Variants in PCDH11X observed in about 807,000 individuals in gnomAD.
The protein encoded by PCDH11X is protocadherin 11 X-linked.
PCDH11X carries 18 observed loss-of-function variants against 53.3 expected under a neutral mutation model. The ratio of observed to expected loss-of-function variants is 0.34; its 90% CI spans 0.23 to 0.50. The LOEUF (loss-of-function observed/expected upper bound fraction) is 0.50, where lower values mean the gene tolerates loss of function less well. PCDH11X is among the 20% of genes least tolerant of loss of function. PCDH11X has a pLI of 0.98. For synonymous variants in PCDH11X, 279 were observed against 393.3 expected, an observed-to-expected ratio of 0.71 and a Z score of 3.44; for missense variants, 570 against 1,032.4, an observed-to-expected ratio of 0.55 and a Z score of 6.14.
intron 10 of PCDH11X, among the ~76,000 whole-genome samples, chrX:92,470,211 T>C (rs1291666316): frequency 9.7e-6 from 1 of 103,423 alleles, no homozygotes; most frequent in Non-Finnish European, 2.0e-5. Context: ...GGTTTTTGTA[T>C]GTTGATTTTG....
intron 5 of PCDH11X, among the ~76,000 whole-genome samples, chrX:91,847,646 G>C (rs1342828965): frequency 1.8e-5 from 2 of 111,467 alleles, no homozygotes; most frequent in East Asian, 2.8e-4. Context: ...ACTTCACTCT[G>C]TTTTAATTTA....
At chrX:92,227,908 T>C (rs1326219741) in intron 7 of PCDH11X, among the ~76,000 whole-genome samples, 2 of 111,254 alleles carry the variant, frequency 1.8e-5, no homozygotes, top group East Asian at 2.8e-4. Context: ...AAAAAGACTA[T>C]ATCTTTGAAA....
In PCDH11X at chrX:92,389,856, C is replaced by G. The variant is rs185693585; in HGVS notation, c.3343+1923C>G. On this transcript the variant is annotated intron_variant, in intron 9 of 10. Transcript: ENST00000682573. ...GGCTTTTTTTTTTAAAAAAAGGGTG[C>G]TTTCTGTTAGGAGCTAAACATTTCT... 6.1e-3 allele frequency among the ~76,000 whole-genome samples: 653 copies of G among 107,878 alleles called. 5 individuals are homozygous for G. The highest frequency in any genetic ancestry group is 0.021 in the African/African-American group (630 of 29,777). 93.7% of individuals were successfully genotyped at this position (107,878 alleles called of 115,157 possible). A position where few individuals can be genotyped will look rare whatever the true frequency, so the allele number is the denominator to read the frequency against.
At chrX:91,795,456 T>C (rs1266962301) in intron 1 of PCDH11X, among the ~76,000 whole-genome samples, 1 of 110,761 alleles carries the variant, frequency 9.0e-6, no homozygotes, top group East Asian at 2.8e-4. Flanking sequence ...TAGCCCAAAA[T>C]AGTCCAGTGT....
intron 7 of PCDH11X, among the ~76,000 whole-genome samples, chrX:92,258,774 C>G: frequency 8.9e-6 from 1 of 111,983 alleles, no homozygotes; most frequent in East Asian, 2.8e-4. Context: ...AAATTTTATG[C>G]TCTGCTTCCT....
Position 92,484,026 on chromosome X carries a change from T to C in PCDH11X, c.3367+15704T>C, listed in dbSNP as rs1242085752. ...ATGTTTATAGCAGCACAATTCACAA[T>C]TGTGAAAATGTGGAACCAGCCCAAA... On this transcript the variant is annotated intron_variant, in intron 10 of 10. Transcript: ENST00000682573. 3.8e-5 allele frequency among the ~76,000 whole-genome samples: 4 copies of C among 105,890 alleles called. No individual in the cohort carries two copies. In the East Asian group the frequency reaches 1.2e-3, roughly 31 times the overall value. 92.0% of individuals were successfully genotyped at this position (105,890 alleles called of 115,157 possible).
At chrX:92,467,819 T>A in intron 9 of PCDH11X, among the ~76,000 whole-genome samples, 1 of 111,457 alleles carries the variant, frequency 9.0e-6, no homozygotes, top group Middle Eastern at 4.6e-3. Flanking sequence ...CCTGCTGATT[T>A]TGGGTTTTTC....
intron 8 of PCDH11X, among the ~76,000 whole-genome samples, chrX:92,367,472 A>G: frequency 9.0e-6 from 1 of 110,932 alleles, no homozygotes. Flanking sequence ...GTGTCTTTTA[A>G]TTGGGGCATT....
chrX:92,249,355 T>A (rs2067414680), intron 7 of PCDH11X, among the ~76,000 whole-genome samples: 2 of 111,592 alleles, frequency 1.8e-5, no homozygotes, highest in South Asian at 3.7e-4. Flanking sequence ...GCCACAAGAG[T>A]GACACGTTAA....
chrX:92,319,204 C>T (rs908626346), intron 8 of PCDH11X, among the ~76,000 whole-genome samples: 1 of 111,685 alleles, frequency 9.0e-6, no homozygotes, highest in Non-Finnish European at 1.9e-5. Context: ...GAACTTTAAG[C>T]AGGGATCCTG....
intron 9 of PCDH11X, among the ~76,000 whole-genome samples, chrX:92,437,979 G>C (rs929283906): frequency 2.7e-5 from 3 of 111,839 alleles, no homozygotes; most frequent in Non-Finnish European, 5.7e-5. Flanking sequence ...GCTAAGTAAC[G>C]CATCGAAAAT....
chrX:92,462,684 T>A (rs1158707215), intron 9 of PCDH11X, among the ~76,000 whole-genome samples: 1 of 109,213 alleles, frequency 9.2e-6, no homozygotes, highest in African/African-American at 3.3e-5. Context: ...CCCAAAGCAG[T>A]GTAACCAGTG....
At chrX:92,115,988 C>T (rs1262359865) in intron 6 of PCDH11X, among the ~76,000 whole-genome samples, 1 of 110,082 alleles carries the variant, frequency 9.1e-6, no homozygotes. Flanking sequence ...AAGTCTCTCT[C>T]ATGTAACATA....
intron 6 of PCDH11X, among the ~76,000 whole-genome samples, chrX:91,969,316 T>C (rs1163590794): frequency 1.8e-5 from 2 of 111,196 alleles, no homozygotes; most frequent in Non-Finnish European, 3.8e-5. Context: ...CAACTTTTCT[T>C]GTACCAATTT....
At chrX:91,821,986 G>C (rs1461626923) in intron 4 of PCDH11X, among the ~76,000 whole-genome samples, 7 of 101,973 alleles carry the variant, frequency 6.9e-5, no homozygotes, top group Middle Eastern at 4.7e-3. Context: ...TTATTGATTT[G>C]AGTATATTGA....
chrX:92,135,346 G>A (rs186085948), intron 6 of PCDH11X, among the ~76,000 whole-genome samples: 1 of 111,472 alleles, frequency 9.0e-6, no homozygotes, highest in Non-Finnish European at 1.9e-5. Context: ...CACAATGATA[G>A]TGTAACGAAG....
Position 92,621,319 on chromosome X carries a change from AG to A in PCDH11X, c.*2382del, listed in dbSNP as rs1928474125. ...TGACAGTATAATTTATTGAGTTACTAGGGAGGTTCTTAAATCCTCATATCTG... is the reference window on the plus strand; with the variant it reads ...TGACAGTATAATTTATTGAGTTACTAGGAGGTTCTTAAATCCTCATATCTG... On this transcript the variant is annotated 3_prime_UTR_variant, in exon 11 of 11. Transcript: ENST00000682573. The A allele has an allele frequency of 9.1e-6, 1 of 109,461 alleles. No individual in the cohort carries two copies. Among genetic ancestry groups the A allele is most frequent in the Admixed American group, 9.9e-5 (1 of 10,128 alleles). The allele number at this position is 109,461 out of a possible 1,213,427, so 9.0% of individuals were successfully genotyped here.
intron 10 of PCDH11X, among the ~76,000 whole-genome samples, chrX:92,478,829 T>A (rs1050957063): frequency 9.0e-6 from 1 of 110,795 alleles, no homozygotes; most frequent in Non-Finnish European, 1.9e-5. Context: ...CCGAGTGGCA[T>A]TGAGAATAAT....
chrX:92,142,860 T>C (rs2065208433), intron 6 of PCDH11X, among the ~76,000 whole-genome samples: 1 of 108,304 alleles, frequency 9.2e-6, no homozygotes, highest in Non-Finnish European at 1.9e-5. Context: ...TATATATATA[T>C]ACACACACAC....
Sources: gnomAD v4.1 joint callset for allele counts (sites outside exome capture counted in the v4.1 genomes callset) on GRCh38, gnomAD v4.1.1 for gene constraint, MANE v1.5 for transcripts, NCBI Gene and HGNC (gene_info 2026-07-23, HGNC 2026-07-21) for gene names.